The following CTNNA3 variants were observed in gnomAD, a reference collection of about 807,000 sequenced individuals.
The protein encoded by CTNNA3 is catenin alpha-3.
Under a neutral mutation model 95.7 loss-of-function variants are expected in CTNNA3, and 76 were observed. The ratio of observed to expected loss-of-function variants is 0.79; its 90% CI spans 0.66 to 0.96. The LOEUF (loss-of-function observed/expected upper bound fraction) is 0.96. Among genes scored for constraint, CTNNA3 ranks in the 40% least tolerant of loss-of-function variants. The probability of loss-of-function intolerance (pLI) is 0.00; values close to 1 mark genes in which losing one functional copy is unlikely to be tolerated. For missense variants in CTNNA3, 1,191 were observed against 1,089.8 expected (o/e 1.09, Z -1.31); for synonymous variants, 431 against 374.4 (o/e 1.15, Z -1.74).
intron 13 of CTNNA3, among the ~76,000 whole-genome samples, chr10:66,236,904 C>T (rs1353063453): frequency 2.6e-5 from 4 of 151,126 alleles, no homozygotes; most frequent in Admixed American, 2.6e-4. Flanking sequence ...GGTTTGAGCC[C>T]AAGAGTTCGA....
At chr10:67,610,868 T>C (rs1454881842) in intron 2 of CTNNA3, among the ~76,000 whole-genome samples, 5 of 152,206 alleles carry the variant, frequency 3.3e-5, no homozygotes, top group Admixed American at 6.5e-5. Context: ...CATTCCCCTC[T>C]TTCTCAGACT....
At chr10:66,324,209 A>G (rs1216102918) in intron 12 of CTNNA3, among the ~76,000 whole-genome samples, 5 of 151,546 alleles carry the variant, frequency 3.3e-5, no homozygotes, top group Admixed American at 3.3e-4. Flanking sequence ...AATCCCAGCT[A>G]CTTGGGAGGC....
At chr10:67,383,132 A>G (rs1379728391) in intron 5 of CTNNA3, among the ~76,000 whole-genome samples, 4 of 152,222 alleles carry the variant, frequency 2.6e-5, no homozygotes, top group Non-Finnish European at 5.9e-5. Context: ...AATGTTACAT[A>G]TTATACATAT....
intron 7 of CTNNA3, among the ~76,000 whole-genome samples, chr10:66,824,144 C>A (rs1842408503): frequency 6.6e-6 from 1 of 151,010 alleles, no homozygotes; most frequent in Non-Finnish European, 1.5e-5. Flanking sequence ...TTCAGCATGT[C>A]TTTGCTCAAC....
At chr10:67,124,365 TGTG>T (rs1859611081) in intron 7 of CTNNA3, among the ~76,000 whole-genome samples, 1 of 151,382 alleles carries the variant, frequency 6.6e-6, no homozygotes, top group South Asian at 2.1e-4. Flanking sequence ...TGTGTGTGTG[TGTG>T]TGTGTGGTCT....
At chr10:67,313,190 A>G (rs1300771061) in intron 5 of CTNNA3, among the ~76,000 whole-genome samples, 2 of 152,104 alleles carry the variant, frequency 1.3e-5, no homozygotes, top group Non-Finnish European at 2.9e-5. Flanking sequence ...TAATCCTAGC[A>G]CTTTGGGAGG....
At chr10:67,243,821 G>C (rs745607820) in intron 5 of CTNNA3, among the ~76,000 whole-genome samples, 43 of 152,156 alleles carry the variant, frequency 2.8e-4, no homozygotes, top group Middle Eastern at 3.4e-3. Context: ...CCTTTATATG[G>C]CACTAGTCTA....
At chr10:66,099,591 T>A (rs1265957776) in intron 14 of CTNNA3, among the ~76,000 whole-genome samples, 2 of 152,132 alleles carry the variant, frequency 1.3e-5, no homozygotes, top group Admixed American at 1.3e-4. Flanking sequence ...TGGCCATCTG[T>A]CTCATAAACT....
At chr10:67,445,866 A>ATT (rs1178976493) in intron 5 of CTNNA3, among the ~76,000 whole-genome samples, 1 of 152,154 alleles carries the variant, frequency 6.6e-6, no homozygotes, top group Non-Finnish European at 1.5e-5. Flanking sequence ...GCAATAACCC[A>ATT]TTTACTCATC....
At chr10:66,749,017 A>C (rs1407678170) in intron 9 of CTNNA3, among the ~76,000 whole-genome samples, 2 of 151,462 alleles carry the variant, frequency 1.3e-5, no homozygotes, top group Non-Finnish European at 2.9e-5. Context: ...TCCAAAAAAA[A>C]AAAAATACAA....
chr10:66,461,257 T>A (rs956786810), intron 11 of CTNNA3, among the ~76,000 whole-genome samples: 35 of 151,996 alleles, frequency 2.3e-4, no homozygotes, highest in Admixed American at 1.8e-3. Context: ...AATAGATGAG[T>A]TATGGATAGT....
intron 5 of CTNNA3, among the ~76,000 whole-genome samples, chr10:67,314,833 T>C (rs536356496): frequency 2.6e-5 from 4 of 152,370 alleles, no homozygotes; most frequent in East Asian, 3.9e-4. Flanking sequence ...TGTAAGATTA[T>C]ATTTTTCTTC....
intron 5 of CTNNA3, among the ~76,000 whole-genome samples, chr10:67,371,230 A>G (rs577533536): frequency 6.7e-6 from 1 of 149,758 alleles, no homozygotes; most frequent in Non-Finnish European, 1.5e-5. Flanking sequence ...TTATATATAC[A>G]TATTTTTTTT....
chr10:66,187,995 G>T (rs2131875102), intron 13 of CTNNA3, among the ~76,000 whole-genome samples: 1 of 152,204 alleles, frequency 6.6e-6, no homozygotes, highest in South Asian at 2.1e-4. Flanking sequence ...AATTATGGAA[G>T]TAAGTCTCAC....
chr10:67,733,434 A>G (rs1248961237), intron 1 of CTNNA3, among the ~76,000 whole-genome samples: 2 of 152,104 alleles, frequency 1.3e-5, no homozygotes, highest in East Asian at 3.9e-4. Context: ...CGTAGATCAT[A>G]CCCATCTTCC....
In CTNNA3 at chr10:66,712,457, G is replaced by A. The variant is rs74141654; in HGVS notation, c.1281+53807C>T. Among the ~76,000 whole-genome samples the A allele has an allele frequency of 9.1e-3, 1,386 of 152,170 alleles. 24 individuals are homozygous for A. Among genetic ancestry groups the A allele is most frequent in the African/African-American group, 0.031 (1,277 of 41,500 alleles). On this transcript the variant is annotated intron_variant, in intron 9 of 17. Transcript: ENST00000433211. ...CTGATATTTCGATATTATTCAAGAA[G>A]GTAGTTAGTCACCATTTTAGGAATG...
At chr10:67,449,756 T>C (rs1846896817) in intron 5 of CTNNA3, among the ~76,000 whole-genome samples, 1 of 152,082 alleles carries the variant, frequency 6.6e-6, no homozygotes, top group Non-Finnish European at 1.5e-5. Context: ...CAAGCAATGA[T>C]TTCATGACGA....
At chr10:65,977,044 G>A (rs960463135) in intron 16 of CTNNA3, among the ~76,000 whole-genome samples, 25 of 151,954 alleles carry the variant, frequency 1.6e-4, no homozygotes, top group African/African-American at 5.8e-4. Flanking sequence ...AAATTTTTAC[G>A]TGAAAGTGAC....
At chr10:67,586,021 G>A (rs1215213610) in intron 3 of CTNNA3, among the ~76,000 whole-genome samples, 3 of 151,916 alleles carry the variant, frequency 2.0e-5, no homozygotes, top group Non-Finnish European at 4.4e-5. Context: ...GGTATGTTGT[G>A]TTTTAATTTT....
Sources: gnomAD v4.1 joint callset for allele counts (sites outside exome capture counted in the v4.1 genomes callset) on GRCh38, gnomAD v4.1.1 for gene constraint, MANE v1.5 for transcripts, NCBI Gene and HGNC (gene_info 2026-07-23, HGNC 2026-07-21) for gene names.